Variants in ZBTB7C observed in about 807,000 individuals in gnomAD.
The protein encoded by ZBTB7C is zinc finger and BTB domain-containing protein 7C.
ZBTB7C carries 8 observed loss-of-function variants against 25.7 expected under a neutral mutation model. The ratio of observed to expected loss-of-function variants is 0.31; its 90% CI spans 0.18 to 0.56. The LOEUF (loss-of-function observed/expected upper bound fraction) is 0.56, where lower values mean the gene tolerates loss of function less well. Among genes scored for constraint, ZBTB7C ranks in the 20% least tolerant of loss-of-function variants. The pLI is 0.91. For missense variants in ZBTB7C, 824 were observed against 855.2 expected (o/e 0.96, Z 0.46); for synonymous variants, 394 against 369.0 (o/e 1.07, Z -0.78).
intron 1 of ZBTB7C, among the ~76,000 whole-genome samples, chr18:48,380,598 G>T: frequency 6.6e-6 from 1 of 152,174 alleles, no homozygotes; most frequent in Non-Finnish European, 1.5e-5. Flanking sequence ...TGACAACCCA[G>T]TAGCAATGAG....
intron 2 of ZBTB7C, among the ~76,000 whole-genome samples, chr18:48,211,768 A>C (rs2042707928): frequency 1.3e-5 from 2 of 152,190 alleles, no homozygotes; most frequent in South Asian, 4.1e-4. Flanking sequence ...GCCACTGTGG[A>C]AGACAGTTTG....
At chr18:48,213,911 T>C (rs1384528097) in intron 2 of ZBTB7C, among the ~76,000 whole-genome samples, 1 of 152,080 alleles carries the variant, frequency 6.6e-6, no homozygotes, top group Non-Finnish European at 1.5e-5. Context: ...GGATGAAAAA[T>C]GGCCTCCGGT....
chr18:48,302,019 C>T (rs1007362742), intron 2 of ZBTB7C, among the ~76,000 whole-genome samples: 2 of 151,958 alleles, frequency 1.3e-5, no homozygotes, highest in African/African-American at 4.8e-5. Context: ...TGCCACTCCC[C>T]GGCTTTTAGG....
intron 3 of ZBTB7C, among the ~76,000 whole-genome samples, chr18:48,117,417 C>T (rs905828125): frequency 1.3e-5 from 2 of 152,180 alleles, no homozygotes; most frequent in African/African-American, 4.8e-5. Flanking sequence ...TCCTGCCATA[C>T]TGAGAGGCAG....
intron 2 of ZBTB7C, among the ~76,000 whole-genome samples, chr18:48,204,425 C>G (rs1435177726): frequency 6.6e-6 from 1 of 152,146 alleles, no homozygotes; most frequent in Non-Finnish European, 1.5e-5. Flanking sequence ...CCAGGTGGAA[C>G]TGGAGAGGAT....
At chr18:48,100,189 T>C (rs949226927) in intron 3 of ZBTB7C, among the ~76,000 whole-genome samples, 4 of 152,176 alleles carry the variant, frequency 2.6e-5, no homozygotes, top group Admixed American at 6.5e-5. Flanking sequence ...CAGATTAGAA[T>C]TGGAAATAAT....
chr18:48,399,612 C>T (rs1329042213), intron 1 of ZBTB7C, among the ~76,000 whole-genome samples: 1 of 152,182 alleles, frequency 6.6e-6, no homozygotes, highest in Non-Finnish European at 1.5e-5. Context: ...GACAGCCTTC[C>T]TGGGCCTCGT....
intron 3 of ZBTB7C, among the ~76,000 whole-genome samples, chr18:48,099,346 G>A (rs2038751143): frequency 6.6e-6 from 1 of 152,220 alleles, no homozygotes; most frequent in African/African-American, 2.4e-5. Flanking sequence ...CTAGCACAAT[G>A]TCTGGCACAG....
intron 2 of ZBTB7C, among the ~76,000 whole-genome samples, chr18:48,337,801 C>T (rs2046490138): frequency 6.6e-6 from 1 of 152,184 alleles, no homozygotes; most frequent in African/African-American, 2.4e-5. Context: ...CTTCACTTCT[C>T]GCTCCCTCTG....
intron 3 of ZBTB7C, chr18:48,087,748 C>T (rs574440537): frequency 6.7e-6 from 1 of 149,020 alleles, no homozygotes; most frequent in South Asian, 2.1e-4. Context: ...TGAGCTGTGA[C>T]TGTACTACTG....
intron 2 of ZBTB7C, among the ~76,000 whole-genome samples, chr18:48,207,519 A>G (rs1405203581): frequency 6.6e-6 from 1 of 152,356 alleles, no homozygotes; most frequent in East Asian, 1.9e-4. Flanking sequence ...ACATGAATAA[A>G]TCTCACAGAT....
At chr18:48,345,538 G>A (rs1002608414) in intron 1 of ZBTB7C, among the ~76,000 whole-genome samples, 4 of 151,628 alleles carry the variant, frequency 2.6e-5, no homozygotes, top group Admixed American at 2.0e-4. Context: ...TGGCATACCA[G>A]CACCGCCCCC....
intron 3 of ZBTB7C, among the ~76,000 whole-genome samples, chr18:48,110,057 C>T (rs11314225): frequency 1.2e-5 from 1 of 85,362 alleles, no homozygotes; most frequent in Non-Finnish European, 2.3e-5. Context: ...AGGATCCTTA[C>T]ATTCAGCTCA....
intron 1 of ZBTB7C, chr18:48,374,072 G>C (rs1181790096): frequency 6.6e-6 from 1 of 152,478 alleles, no homozygotes; most frequent in Non-Finnish European, 1.5e-5. Flanking sequence ...AGGAGTAAAA[G>C]CTTCCTGAGG....
At chr18:48,273,753 T>A (rs1598750837) in intron 2 of ZBTB7C, among the ~76,000 whole-genome samples, 2 of 152,174 alleles carry the variant, frequency 1.3e-5, no homozygotes, top group South Asian at 4.1e-4. Context: ...CACTTCTACA[T>A]GTTTGAAAGA....
chr18:48,235,201 A>C (rs1263853572), intron 2 of ZBTB7C, among the ~76,000 whole-genome samples: 1 of 152,118 alleles, frequency 6.6e-6, no homozygotes. Context: ...TTATTTTACC[A>C]TTTTATATGG....
At chr18:48,171,145 T>TAAGA (rs1371971264) in intron 3 of ZBTB7C, among the ~76,000 whole-genome samples, 2 of 152,216 alleles carry the variant, frequency 1.3e-5, no homozygotes, top group Non-Finnish European at 2.9e-5. Flanking sequence ...CACTTAACTC[T>TAAGA]TTCTCTGGCC....
intron 3 of ZBTB7C, among the ~76,000 whole-genome samples, chr18:48,108,442 C>G (rs1162674034): frequency 6.6e-6 from 1 of 152,134 alleles, no homozygotes; most frequent in Non-Finnish European, 1.5e-5. Context: ...CTGCCCCTAC[C>G]TTGTTTTTGA....
chr18:48,221,265 TC>T, intron 2 of ZBTB7C, among the ~76,000 whole-genome samples: 1 of 149,134 alleles, frequency 6.7e-6, no homozygotes. Context: ...TGTTCTAGAC[TC>T]CCTCTATACT....
Sources: allele counts gnomAD v4.1 joint callset (sites outside exome capture counted in the v4.1 genomes callset), GRCh38; gene constraint gnomAD v4.1.1; transcripts MANE v1.5; gene names NCBI Gene and HGNC (gene_info 2026-07-23, HGNC 2026-07-21).